ITSN1: variants seen among roughly 807,000 people sequenced by gnomAD.
ITSN1 encodes intersectin-1.
In ITSN1, 58 loss-of-function variants were observed where a neutral mutation model predicts 239.8. That is an observed-to-expected ratio of 0.24 (90% CI 0.20 to 0.30). The LOEUF is 0.30. Ranked by LOEUF, ITSN1 falls within the 10% of genes least tolerant of loss-of-function variation. ITSN1 has a pLI of 1.00. For missense variants in ITSN1, 1,558 were observed against 2,103.3 expected, an observed-to-expected ratio of 0.74 and a Z score of 5.07; for synonymous variants, 780 against 770.8, an observed-to-expected ratio of 1.01 and a Z score of -0.20.
chr21:33,856,941 C>G, intron 30 of ITSN1, 84 bp downstream of exon 30: 1 of 1,342,796 alleles, frequency 7.4e-7, no homozygotes, highest in Non-Finnish European at 1.1e-6. Context: ...GGTCTATGTC[C>G]TGATTCTGAG....
intron 4 of ITSN1, among the ~76,000 whole-genome samples, chr21:33,731,073 C>T (rs1001819955): frequency 3.3e-5 from 5 of 152,138 alleles, no homozygotes; most frequent in African/African-American, 9.7e-5. Context: ...TTGAGAAAAG[C>T]GTTTTTTGAG....
rs1488612856 is a variant in ITSN1, at chr21:33,642,883, C to G, written c.-33+170C>G. Among the ~76,000 whole-genome samples the G allele has an allele frequency of 2.0e-5, 3 of 151,648 alleles. No homozygotes were observed. In the East Asian group the frequency reaches 5.8e-4, roughly 29 times the overall value. On this transcript the variant is annotated intron_variant, in intron 1 of 39. Transcript: ENST00000381318. Reference sequence around the variant, plus strand: ...CCGCGCGCCCGAGAGACGGCAGCGGCTGCCCCTCTGCCTTGTCCTTCCCGT... The same window carrying G: ...CCGCGCGCCCGAGAGACGGCAGCGGGTGCCCCTCTGCCTTGTCCTTCCCGT...
chr21:33,671,920 A>G (rs1464836280), intron 1 of ITSN1, among the ~76,000 whole-genome samples: 3 of 152,192 alleles, frequency 2.0e-5, no homozygotes, highest in Non-Finnish European at 4.4e-5. Flanking sequence ...TTTCCATTCA[A>G]AAATGGGATC....
At chr21:33,830,785 A>G (rs1049588720) in intron 27 of ITSN1, among the ~76,000 whole-genome samples, 2 of 152,150 alleles carry the variant, frequency 1.3e-5, no homozygotes, top group African/African-American at 2.4e-5. Flanking sequence ...CTGTGGTTAT[A>G]TAAGAGAATA....
At chr21:33,872,587 A>C (rs899473225) in intron 33 of ITSN1, among the ~76,000 whole-genome samples, 3 of 152,116 alleles carry the variant, frequency 2.0e-5, no homozygotes, top group Non-Finnish European at 4.4e-5. Context: ...TCTGGAGTGC[A>C]GTGGCACGAT....
intron 29 of ITSN1, among the ~76,000 whole-genome samples, chr21:33,849,251 A>G (rs1217697756): frequency 6.6e-6 from 1 of 151,728 alleles, no homozygotes; most frequent in African/African-American, 2.4e-5. Context: ...AACAAAAACA[A>G]GAACAACAAC....
At position 33,898,260 on chromosome 21, in the gene ITSN1, G is replaced by A. The variant is rs980820723; in HGVS notation, c.*9960G>A. ...CAGTTTATCCCTAATTAGCGTTTGCGTTTTCCATGAAATTTCCTGATGCAT... is the reference window on the plus strand; with the variant it reads ...CAGTTTATCCCTAATTAGCGTTTGCATTTTCCATGAAATTTCCTGATGCAT... On this transcript the variant is annotated 3_prime_UTR_variant, in exon 40 of 40. Coordinates refer to ENST00000381318, the MANE Select transcript of ITSN1 (RefSeq NM_003024.3). 2.0e-5 allele frequency: 3 copies of A among 152,180 alleles called. No individual in the cohort carries two copies. The highest frequency in any genetic ancestry group is 4.8e-5 in the African/African-American group (2 of 41,428). The allele number at this position is 152,180 out of a possible 1,614,324, so 9.4% of individuals were successfully genotyped here.
chr21:33,849,750 T>C (rs1213816383), intron 29 of ITSN1, among the ~76,000 whole-genome samples: 1 of 152,184 alleles, frequency 6.6e-6, no homozygotes, highest in Non-Finnish European at 1.5e-5. Flanking sequence ...TGCATCCCTG[T>C]ACCAAAATAG....
intron 1 of ITSN1, among the ~76,000 whole-genome samples, chr21:33,703,142 G>GTA (rs961141811): frequency 6.7e-6 from 1 of 149,434 alleles, no homozygotes; most frequent in African/African-American, 2.5e-5. Flanking sequence ...TATATAAATT[G>GTA]TATATATATA....
chr21:33,786,920 C>A (rs1006429806), intron 16 of ITSN1, among the ~76,000 whole-genome samples: 6 of 152,202 alleles, frequency 3.9e-5, no homozygotes, highest in Non-Finnish European at 5.9e-5. Flanking sequence ...GGTCTCCATG[C>A]CCTACTCAGG....
chr21:33,661,053 A>G (rs1024863833), intron 1 of ITSN1, among the ~76,000 whole-genome samples: 2 of 152,232 alleles, frequency 1.3e-5, no homozygotes, highest in Non-Finnish European at 2.9e-5. Context: ...ATAATGGCAG[A>G]TACAAGTTTT....
At chr21:33,825,952 CT>C (rs2073950380) in intron 25 of ITSN1, among the ~76,000 whole-genome samples, 1 of 151,920 alleles carries the variant, frequency 6.6e-6, no homozygotes, top group Non-Finnish European at 1.5e-5. Context: ...TTTATTAAGC[CT>C]TTTGTTTTGT....
At chr21:33,741,745 A>G (rs200239203) in intron 5 of ITSN1, among the ~76,000 whole-genome samples, 1 of 106,996 alleles carries the variant, frequency 9.3e-6, no homozygotes, top group African/African-American at 3.6e-5. Context: ...ACAAAAAAAA[A>G]TTAACCAAGC....
intron 5 of ITSN1, among the ~76,000 whole-genome samples, chr21:33,749,938 G>A (rs1465660449): frequency 6.6e-6 from 1 of 152,080 alleles, no homozygotes; most frequent in African/African-American, 2.4e-5. Flanking sequence ...TGTTTGTTCT[G>A]TCTTCAGGTT....
At chr21:33,708,942 A>G (rs1387603368) in intron 1 of ITSN1, among the ~76,000 whole-genome samples, 1 of 152,104 alleles carries the variant, frequency 6.6e-6, no homozygotes, top group African/African-American at 2.4e-5. Flanking sequence ...TGTCTTTACA[A>G]CTTTGCCAAA....
intron 1 of ITSN1, among the ~76,000 whole-genome samples, chr21:33,667,176 G>T (rs1323732516): frequency 2.0e-5 from 3 of 151,238 alleles, no homozygotes; most frequent in African/African-American, 7.3e-5. Context: ...GGTGTAAAGT[G>T]TAGTTTTCCA....
chr21:33,785,811 C>G (rs1335091774), intron 16 of ITSN1, among the ~76,000 whole-genome samples: 4 of 152,056 alleles, frequency 2.6e-5, no homozygotes, highest in Non-Finnish European at 1.5e-5. Flanking sequence ...CCAAAAAAGG[C>G]TGTTTTTCCA....
chr21:33,737,772 C>T (rs1388318762), intron 5 of ITSN1, among the ~76,000 whole-genome samples: 1 of 152,044 alleles, frequency 6.6e-6, no homozygotes, highest in Non-Finnish European at 1.5e-5. Context: ...CAGGGTTCCA[C>T]CATGTTGGTC....
intron 5 of ITSN1, among the ~76,000 whole-genome samples, chr21:33,743,516 GT>G (rs1221589664): frequency 7.1e-6 from 1 of 141,460 alleles, no homozygotes; most frequent in Admixed American, 7.4e-5. Flanking sequence ...TTGAGAAACA[GT>G]AACAAGTATT....
Sources: gnomAD v4.1 joint callset for allele counts (sites outside exome capture counted in the v4.1 genomes callset) on GRCh38, gnomAD v4.1.1 for gene constraint, MANE v1.5 for transcripts, NCBI Gene and HGNC (gene_info 2026-07-23, HGNC 2026-07-21) for gene names.